Variants in SPATS2L observed in about 807,000 individuals in gnomAD.
SPATS2L encodes SPATS2-like protein.
SPATS2L carries 30 observed loss-of-function variants against 59.6 expected under a neutral mutation model. The ratio of observed to expected loss-of-function variants is 0.50; its 90% CI spans 0.38 to 0.68. The LOEUF (loss-of-function observed/expected upper bound fraction) is 0.68. Ranked by LOEUF, SPATS2L falls within the 30% of genes least tolerant of loss-of-function variation. The pLI, the probability that SPATS2L is intolerant of heterozygous loss-of-function variation, is 0.00. For synonymous variants in SPATS2L, 252 were observed against 263.5 expected, an observed-to-expected ratio of 0.96 and a Z score of 0.42; for missense variants, 615 against 700.0, an observed-to-expected ratio of 0.88 and a Z score of 1.37.
At chr2:200,332,026 G>T (rs2079959308) in intron 2 of SPATS2L, among the ~76,000 whole-genome samples, 1 of 152,108 alleles carries the variant, frequency 6.6e-6, no homozygotes, top group Non-Finnish European at 1.5e-5. Context: ...GATCAGTATT[G>T]AACTTGGAAC....
intron 6 of SPATS2L, among the ~76,000 whole-genome samples, chr2:200,432,096 C>T (rs1259876808): frequency 3.9e-5 from 6 of 152,106 alleles, no homozygotes; most frequent in Admixed American, 3.9e-4. Flanking sequence ...GACTTCATAA[C>T]AAATTCCCTT....
upstream of SPATS2L, chr2:200,306,176 G>T (rs879605695): frequency 1.0e-6 from 1 of 999,888 alleles, no homozygotes; most frequent in African/African-American, 1.7e-5. Context: ...TTTCGAATGG[G>T]CTATCTTTGC....
At chr2:200,340,616 C>T (rs1340726530) in intron 2 of SPATS2L, among the ~76,000 whole-genome samples, 1 of 152,024 alleles carries the variant, frequency 6.6e-6, no homozygotes, top group Non-Finnish European at 1.5e-5. Flanking sequence ...AGAGGCACAG[C>T]CCTTTCTGCT....
chr2:200,468,309 T>C (rs1331234427), intron 10 of SPATS2L, among the ~76,000 whole-genome samples: 1 of 114,850 alleles, frequency 8.7e-6, no homozygotes, highest in Non-Finnish European at 1.9e-5. Context: ...AGGAAGAAAT[T>C]TTAAAATTCC....
intron 2 of SPATS2L, among the ~76,000 whole-genome samples, chr2:200,332,739 T>A (rs2079987844): frequency 8.0e-6 from 1 of 124,400 alleles, no homozygotes; most frequent in African/African-American, 2.6e-5. Flanking sequence ...TCATTATATT[T>A]TTTTTTTGAA....
rs1476824186 is a variant in SPATS2L, at chr2:200,467,367, A to G, written c.925A>G (p.Met309Val). 1 of 1,614,018 alleles carries G rather than the reference A, an allele frequency of 6.2e-7. No homozygotes were observed. The highest frequency in any genetic ancestry group is 1.1e-5 in the South Asian group (1 of 91,086). Residue 309 changes from methionine (M) to valine (V), a missense_variant, in exon 10 of 13, where the codon ATG becomes GTG. This residue lies in a region of SPATS2L where 104 missense variants were observed against 162.5 expected (regional missense o/e 0.64). Coordinates refer to ENST00000409140, the MANE Select transcript of SPATS2L (RefSeq NM_001100423.2). Reference protein sequence around the residue: ...LTDLASQMAEMQLAELRAEIK... With the variant: ...LTDLASQMAEVQLAELRAEIK... ...TGACCTTGCCAGTCAGATGGCAGAG[A>G]TGCAGCTGGCCGAACTCAGGGCAGA...
At chr2:200,417,476 A>G (rs1476410549) in intron 5 of SPATS2L, among the ~76,000 whole-genome samples, 1 of 152,146 alleles carries the variant, frequency 6.6e-6, no homozygotes, top group Non-Finnish European at 1.5e-5. Context: ...ATTTAGACTT[A>G]CATAGAAAAA....
chr2:200,401,052 G>A (rs1238753500), intron 3 of SPATS2L, among the ~76,000 whole-genome samples: 1 of 152,198 alleles, frequency 6.6e-6, no homozygotes, highest in Non-Finnish European at 1.5e-5. Flanking sequence ...TCCAAAGCCA[G>A]GTGATTCTGC....
At chr2:200,405,666 C>T (rs2082666096) in intron 3 of SPATS2L, among the ~76,000 whole-genome samples, 1 of 152,166 alleles carries the variant, frequency 6.6e-6, no homozygotes, top group African/African-American at 2.4e-5. Context: ...GTTTTTAAGG[C>T]ATCTCTGAAT....
rs767074093 is a variant in SPATS2L, at chr2:200,470,016, A to G, written c.1060A>G (p.Ile354Val). 5.0e-6 allele frequency: 8 copies of G among 1,603,000 alleles called. No homozygotes were observed. Among genetic ancestry groups the G allele is most frequent in the Non-Finnish European group, 6.8e-6 (8 of 1,174,720 alleles). Residue 354 changes from isoleucine (I) to valine (V), a missense_variant and splice_region_variant, in exon 11 of 13, where the codon ATT (isoleucine) becomes GTT (valine). Coordinates refer to ENST00000409140, the MANE Select transcript of SPATS2L (RefSeq NM_001100423.2). ...LKAQIMLCGE[I>V]THPKNNYSSR... The stretch of plus-strand genomic sequence containing the variant: ...GGCCCAAATCATGCTCTGCGGAGAA[A>G]GTGAGTTTTGCATATTTGCTGAATA...
chr2:200,449,779 G>A (rs187456369), intron 8 of SPATS2L, among the ~76,000 whole-genome samples: 5 of 152,216 alleles, frequency 3.3e-5, no homozygotes, highest in Admixed American at 3.3e-4. Flanking sequence ...ACTAAAAAGT[G>A]AGTCCTAAAT....
chr2:200,426,732 A>G (rs2083606276), intron 6 of SPATS2L, among the ~76,000 whole-genome samples: 1 of 152,242 alleles, frequency 6.6e-6, no homozygotes, highest in Admixed American at 6.5e-5. Context: ...GCCTCAAAAA[A>G]TAAAAATAAA....
intron 2 of SPATS2L, among the ~76,000 whole-genome samples, chr2:200,360,952 CAG>C (rs2081078769): frequency 6.9e-6 from 1 of 144,694 alleles, no homozygotes; most frequent in Non-Finnish European, 1.5e-5. Flanking sequence ...TAGAACAGAA[CAG>C]AGCAGAACAG....
intron 2 of SPATS2L, chr2:200,378,399 G>A (rs903577724): frequency 1.0e-6 from 1 of 1,002,406 alleles, no homozygotes; most frequent in Non-Finnish European, 1.2e-6. Flanking sequence ...TTGCTGGGAA[G>A]CCATAGGAAG....
At chr2:200,352,061 C>G (rs1389100060) in intron 2 of SPATS2L, among the ~76,000 whole-genome samples, 1 of 151,994 alleles carries the variant, frequency 6.6e-6, no homozygotes, top group Non-Finnish European at 1.5e-5. Context: ...AAGAAAGAGC[C>G]AGAGACTGAT....
intron 1 of SPATS2L, among the ~76,000 whole-genome samples, chr2:200,315,639 G>T (rs970516587): frequency 6.6e-6 from 1 of 152,076 alleles, no homozygotes; most frequent in Non-Finnish European, 1.5e-5. Flanking sequence ...GTCATAATGT[G>T]TCAAACAAAA....
At chr2:200,338,036 G>A (rs2080200345) in intron 2 of SPATS2L, among the ~76,000 whole-genome samples, 1 of 151,998 alleles carries the variant, frequency 6.6e-6, no homozygotes, top group African/African-American at 2.4e-5. Context: ...CTTTTTTGTT[G>A]TTTTTTGAGA....
chr2:200,412,288 CTT>C (rs748739547), intron 3 of SPATS2L, 21 bp from the exon 4 acceptor site: 6,353 of 1,024,038 alleles, frequency 6.2e-3, no homozygotes, highest in South Asian at 0.012. Context: ...ATTTCTATTT[CTT>C]TTTTTTTTTT....
chr2:200,426,151 C>T (rs1450976239), intron 6 of SPATS2L, among the ~76,000 whole-genome samples: 5 of 128,802 alleles, frequency 3.9e-5, no homozygotes, highest in Middle Eastern at 5.4e-3. Flanking sequence ...AGTGCAGTGG[C>T]GCGATCTCAG....
Sources: gnomAD v4.1 joint callset for allele counts (sites outside exome capture counted in the v4.1 genomes callset) on GRCh38, gnomAD v4.1.1 for gene constraint, gnomAD v4.1.1 regional missense constraint, MANE v1.5 for transcripts, NCBI Gene and HGNC (gene_info 2026-07-23, HGNC 2026-07-21) for gene names.